The following MMS19 variants were observed in gnomAD, a reference collection of about 807,000 sequenced individuals.
MMS19 encodes MMS19 cytosolic iron-sulfur assembly component.
In MMS19, 77 loss-of-function variants were observed where a neutral mutation model predicts 129.8. The observed-to-expected ratio is 0.59, with a 90% CI of 0.49 to 0.72. The LOEUF (loss-of-function observed/expected upper bound fraction) is 0.72, where lower values mean the gene tolerates loss of function less well. MMS19 is among the 30% of genes least tolerant of loss of function. The pLI is 0.00. For synonymous variants in MMS19, 491 were observed against 502.8 expected, an observed-to-expected ratio of 0.98 and a Z score of 0.31; for missense variants, 1,168 against 1,266.3, an observed-to-expected ratio of 0.92 and a Z score of 1.18.
Position 97,469,111 on chromosome 10 carries a change from G to A in MMS19, c.925-7C>T. 1 of 1,569,392 alleles carries A rather than the reference G, an allele frequency of 6.4e-7. No homozygotes were observed. The highest frequency in any genetic ancestry group is 8.6e-7 in the Non-Finnish European group (1 of 1,161,886). On this transcript the variant is annotated splice_polypyrimidine_tract_variant and splice_region_variant and intron_variant, in intron 11 of 30. Transcript: ENST00000438925. ...CACTTGCCGTCTGGAACACCTGTCAGGGAGGGATCCCATGGCTACTGAGGT... is the reference window on the plus strand; with the variant it reads ...CACTTGCCGTCTGGAACACCTGTCAAGGAGGGATCCCATGGCTACTGAGGT...
At chr10:97,470,040 T>C (rs1168250483) in intron 10 of MMS19, 89 bp downstream of exon 10, 1 of 944,172 alleles carries the variant, frequency 1.1e-6, no homozygotes, top group African/African-American at 1.6e-5. Context: ...GCCCATGAAC[T>C]GTTCCTTGGC....
chr10:97,468,712 G>T (rs758437491), intron 12 of MMS19, among the ~76,000 whole-genome samples: 2 of 152,004 alleles, frequency 1.3e-5, no homozygotes, highest in Admixed American at 6.6e-5. Flanking sequence ...CTTTTCAAGC[G>T]ATTCTCCTGC....
At chr10:97,463,809 A>G (rs755269965) in intron 19 of MMS19, 49 bp downstream of exon 19, 2 of 1,567,782 alleles carry the variant, frequency 1.3e-6, no homozygotes, top group Non-Finnish European at 1.7e-6. Flanking sequence ...GTTCAACACC[A>G]GCAGAGGGCA....
At chr10:97,468,474 AGAGGTTG>A in intron 12 of MMS19, 68 bp from the exon 13 acceptor site, 2 of 1,447,970 alleles carry the variant, frequency 1.4e-6, no homozygotes, top group Non-Finnish European at 1.8e-6. Context: ...TACAGTCCAC[AGAGGTTG>A]GAGACTGAGA....
At position 97,492,496 on chromosome 10, in the gene MMS19, A is replaced by G. The variant is rs146856601; in HGVS notation, c.112+5777T>C. The stretch of plus-strand genomic sequence containing the variant: ...TCTCAAAAAAAAAAGAAAAGAAAAG[A>G]AAGAAAAAATTAGAGAAAAATGAGA... On this transcript the variant is annotated intron_variant, in intron 1 of 30. Coordinates refer to ENST00000438925, the MANE Select transcript of MMS19 (RefSeq NM_022362.5). Among the ~76,000 whole-genome samples the G allele has an allele frequency of 1.4e-4, 21 of 151,526 alleles. No individual in the cohort carries two copies. The East Asian group carries it at 3.7e-3, about 27-fold the overall frequency.
chr10:97,498,471 G>C (rs1253819552), upstream of MMS19: 1 of 1,521,066 alleles, frequency 6.6e-7, no homozygotes, highest in Non-Finnish European at 8.8e-7. Flanking sequence ...CAATCTCCGG[G>C]GAAGCGCAAG....
chr10:97,476,660 C>G (rs778399323), intron 8 of MMS19, 23 bp downstream of exon 8: 4 of 1,611,484 alleles, frequency 2.5e-6, no homozygotes, highest in Middle Eastern at 1.7e-4. Flanking sequence ...AATATATGAT[C>G]AAACAATGAA....
At chr10:97,477,792 G>T in intron 5 of MMS19, 63 bp downstream of exon 5, 1 of 1,213,274 alleles carries the variant, frequency 8.2e-7, no homozygotes, top group Non-Finnish European at 1.1e-6. Context: ...TTTTGCTATT[G>T]AATCCCAGTT....
rs2032751144 is a variant in MMS19 at position 97,463,969 on chromosome 10, T to TCTGACAGACAGCAATAACGTC, written c.1780_1800dup (p.Asp594_Gln600dup). 1 of 1,613,158 alleles carries TCTGACAGACAGCAATAACGTC rather than the reference T, an allele frequency of 6.2e-7. No individual in the cohort carries two copies. The highest frequency in any genetic ancestry group is 8.5e-7 in the Non-Finnish European group (1 of 1,179,574). On this transcript the variant is annotated inframe_insertion, in exon 19 of 31. Transcript: ENST00000438925. ...CATTTTTCTGCCATCTGTCTGAGGC[T>TCTGACAGACAGCAATAACGTC]CTGACAGACAGCAATAACGTCACTG...
intron 3 of MMS19, chr10:97,480,191 G>A (rs947471504): frequency 1.6e-5 from 7 of 440,486 alleles, no homozygotes; most frequent in Non-Finnish European, 3.2e-5. Flanking sequence ...CCAATCCCCC[G>A]AGCCCTATGC....
chr10:97,462,503 A>G lies in MMS19; in HGVS notation c.2012+80T>C, dbSNP rs919863855. On this transcript the variant is annotated intron_variant, in intron 20 of 30. Transcript: ENST00000438925. ...TTACATATAGGTAAAAGGACAGCTG[A>G]CAAGGCAGCTACCTGTTGCTTCTTC... is the stretch of plus-strand genomic sequence containing the variant. 9.1e-6 allele frequency: 9 copies of G among 990,666 alleles called. No homozygotes were observed. The African/African-American group carries it at 1.4e-4, about 16-fold the overall frequency. The allele number at this position is 990,666 out of a possible 1,614,324, so 61.4% of individuals were successfully genotyped here.
intron 1 of MMS19, among the ~76,000 whole-genome samples, 187 bp downstream of exon 1, chr10:97,498,086 G>A (rs114287923): frequency 9.8e-5 from 15 of 152,344 alleles, no homozygotes; most frequent in African/African-American, 3.4e-4. Context: ...AAGTGTAAAT[G>A]GTTTTAAGGA....
intron 1 of MMS19, among the ~76,000 whole-genome samples, chr10:97,495,941 C>T (rs962567757): frequency 2.0e-5 from 3 of 152,218 alleles, no homozygotes; most frequent in African/African-American, 7.2e-5. Flanking sequence ...ACCACCATGC[C>T]TGGCTAATTT....
At position 97,461,827 on chromosome 10, in the gene MMS19, C is replaced by G; in HGVS notation, c.2184+1G>C. 6.2e-7 allele frequency: 1 copy of G among 1,607,828 alleles called. No individual in the cohort carries two copies. Among genetic ancestry groups the G allele is most frequent in the Non-Finnish European group, 8.5e-7 (1 of 1,177,202 alleles). On this transcript the variant is annotated splice_donor_variant, in intron 22 of 30. Transcript: ENST00000438925. LOFTEE classifies it high-confidence loss of function. Reference sequence around the variant, plus strand: ...AGTACTTCCCAAATGTGCTCACTTACATTTCGAGGCAGGGAGCAGACAAAG... The same window carrying G: ...AGTACTTCCCAAATGTGCTCACTTAGATTTCGAGGCAGGGAGCAGACAAAG...
Position 97,466,531 on chromosome 10 carries a change from C to T in MMS19, c.1478G>A (p.Ser493Asn). Residue 493 changes from serine to asparagine, a missense_variant, in exon 16 of 31, where the codon AGC becomes AAC. Ser to Asn is a conservative substitution (Grantham distance 46). Around this residue, in one of 3 missense-constraint regions of MMS19, gnomAD observed 831 missense variants for 910.8 expected, o/e 0.91. Transcript: ENST00000438925. ...ACTCTGGGAATCCTCCTTCAGGAAG[C>T]TCAGTCTGTACAGGTGACCCACTGC... is the stretch of plus-strand genomic sequence containing the variant. ...ELAVGHLYRL[S>N]FLKEDSQSCR... 3 of 1,613,856 alleles carry T rather than the reference C, an allele frequency of 1.9e-6. No individual in the cohort carries two copies. The highest frequency in any genetic ancestry group is 2.5e-6 in the Non-Finnish European group (3 of 1,179,770).
At position 97,466,591 on chromosome 10, in the gene MMS19, G is replaced by C; in HGVS notation, c.1424-6C>G. 1 of 1,610,550 alleles carries C rather than the reference G, an allele frequency of 6.2e-7. No homozygotes were observed. The highest frequency in any genetic ancestry group is 8.5e-7 in the Non-Finnish European group (1 of 1,176,754). The stretch of plus-strand genomic sequence containing the variant: ...GTCCTCATAAGATAGGAGATCTGTA[G>C]TTAGAAGGGAACATGAATCTCATCT... On this transcript the variant is annotated splice_polypyrimidine_tract_variant and splice_region_variant and intron_variant, in intron 15 of 30. Coordinates refer to ENST00000438925, the MANE Select transcript of MMS19 (RefSeq NM_022362.5).
At chr10:97,485,734 C>G (rs1436659612) in intron 1 of MMS19, among the ~76,000 whole-genome samples, 1 of 152,230 alleles carries the variant, frequency 6.6e-6, no homozygotes, top group Non-Finnish European at 1.5e-5. Flanking sequence ...AGGCATAAGC[C>G]ACCGCACCTA....
intron 8 of MMS19, among the ~76,000 whole-genome samples, chr10:97,473,396 G>A (rs1390068438): frequency 3.3e-5 from 5 of 152,136 alleles, no homozygotes; most frequent in South Asian, 4.1e-4. Context: ...AAGATTGAAG[G>A]CATTTAAGGG....
At chr10:97,477,302 G>C in intron 6 of MMS19, 45 bp downstream of exon 6, 1 of 1,613,850 alleles carries the variant, frequency 6.2e-7, no homozygotes, top group Non-Finnish European at 8.5e-7. Context: ...GGAAAAAGTA[G>C]GATGTGCTTG....
Sources: gnomAD v4.1 joint callset for allele counts (sites outside exome capture counted in the v4.1 genomes callset) on GRCh38, gnomAD v4.1.1 for gene constraint, gnomAD v4.1.1 regional missense constraint, MANE v1.5 for transcripts, NCBI Gene and HGNC (gene_info 2026-07-23, HGNC 2026-07-21) for gene names.